The following KCNH7 variants were observed in gnomAD, a reference collection of about 807,000 sequenced individuals.
KCNH7 encodes the protein potassium voltage-gated channel subfamily H member 7.
KCNH7 carries 49 observed loss-of-function variants against 120.8 expected under a neutral mutation model. That is an observed-to-expected ratio of 0.41 (90% CI 0.32 to 0.51). KCNH7 has a LOEUF of 0.51. Ranked by LOEUF, KCNH7 falls within the 20% of genes least tolerant of loss-of-function variation. KCNH7 has a pLI of 0.38. For missense variants in KCNH7, 1,097 were observed against 1,446.6 expected, an observed-to-expected ratio of 0.76 and a Z score of 3.92; for synonymous variants, 547 against 516.1, an observed-to-expected ratio of 1.06 and a Z score of -0.81.
At chr2:162,451,693 A>G (rs73018982) in intron 6 of KCNH7, among the ~76,000 whole-genome samples, 13,101 of 151,954 alleles carry the variant, frequency 0.086, 760 homozygotes, top group African/African-American at 0.16. Context: ...CTCTCTCTAT[A>G]TATGTAGATA....
At chr2:162,389,357 TA>T (rs773498746) in intron 12 of KCNH7, among the ~76,000 whole-genome samples, 14 of 152,012 alleles carry the variant, frequency 9.2e-5, no homozygotes, top group Non-Finnish European at 1.9e-4. Context: ...TTGACATTGC[TA>T]AGGCTAAGAA....
intron 2 of KCNH7, among the ~76,000 whole-genome samples, chr2:162,830,950 T>G (rs78942504): frequency 0.026 from 3,938 of 152,222 alleles, 166 homozygotes; most frequent in African/African-American, 0.089. Flanking sequence ...GTTATCACAG[T>G]AGGAAAAGAC....
intron 2 of KCNH7, among the ~76,000 whole-genome samples, chr2:162,659,122 A>G (rs999066642): frequency 6.6e-6 from 1 of 152,214 alleles, no homozygotes; most frequent in Non-Finnish European, 1.5e-5. Context: ...ATGTTCATCA[A>G]GTTGAGGAAG....
At chr2:162,464,066 A>G (rs186496566) in intron 6 of KCNH7, among the ~76,000 whole-genome samples, 1 of 152,108 alleles carries the variant, frequency 6.6e-6, no homozygotes, top group East Asian at 1.9e-4. Flanking sequence ...ACTATCAACC[A>G]AAGTCTTTTA....
Position 162,688,677 on chromosome 2 carries a change from T to C in KCNH7, c.307+147860A>G, listed in dbSNP as rs530869604. On this transcript the variant is annotated intron_variant, in intron 2 of 15. Coordinates refer to ENST00000332142, the MANE Select transcript of KCNH7 (RefSeq NM_033272.4). ...ATCACTGTGGTATAGGTATTTTTAA[T>C]ATAATTCTCTGGTTCTGTGTTATCT... Among the ~76,000 whole-genome samples the C allele has an allele frequency of 2.0e-5, 3 of 152,204 alleles. No homozygotes were observed. In the East Asian group the frequency reaches 5.8e-4, roughly 29 times the overall value.
chr2:162,554,283 A>G (rs1239098154), intron 2 of KCNH7, among the ~76,000 whole-genome samples: 1 of 152,170 alleles, frequency 6.6e-6, no homozygotes, highest in Admixed American at 6.5e-5. Flanking sequence ...GACCAAAGAG[A>G]ACACCTTTTC....
At chr2:162,810,721 T>G (rs911462067) in intron 2 of KCNH7, among the ~76,000 whole-genome samples, 1 of 152,140 alleles carries the variant, frequency 6.6e-6, no homozygotes, top group South Asian at 2.1e-4. Context: ...ACAGACATGA[T>G]TTTATGTGTG....
intron 2 of KCNH7, among the ~76,000 whole-genome samples, chr2:162,833,087 T>C (rs764594453): frequency 2.0e-5 from 3 of 152,168 alleles, no homozygotes; most frequent in Non-Finnish European, 4.4e-5. Context: ...CATCCTTTCC[T>C]ACTGAGTAAA....
At chr2:162,496,337 C>T (rs996069986) in intron 6 of KCNH7, among the ~76,000 whole-genome samples, 3 of 152,132 alleles carry the variant, frequency 2.0e-5, no homozygotes, top group Admixed American at 1.3e-4. Context: ...ATGTTTTGTG[C>T]AGATAAGAGA....
In KCNH7 at chr2:162,759,166, T is replaced by C. The variant is rs116073434; in HGVS notation, c.307+77371A>G. ...AAAATGTAGATCTGTGAAGGGAATA[T>C]TTAACTGTACTCTACGTAAAGAATA... On this transcript the variant is annotated intron_variant, in intron 2 of 15. Transcript: ENST00000332142. 2.6e-3 allele frequency among the ~76,000 whole-genome samples: 396 copies of C among 152,152 alleles called. 3 individuals are homozygous for C. Among genetic ancestry groups the C allele is most frequent in the African/African-American group, 8.9e-3 (370 of 41,500 alleles).
At chr2:162,652,433 G>C (rs1684598860) in intron 2 of KCNH7, among the ~76,000 whole-genome samples, 2 of 152,120 alleles carry the variant, frequency 1.3e-5, no homozygotes, top group South Asian at 2.1e-4. Context: ...GGAGAGTGTG[G>C]GGGGAGGGGT....
chr2:162,430,020 C>A (rs760258425), intron 8 of KCNH7, among the ~76,000 whole-genome samples: 2 of 151,568 alleles, frequency 1.3e-5, no homozygotes, highest in Non-Finnish European at 2.9e-5. Context: ...ATACATTTAA[C>A]CTTCTTCAAT....
chr2:162,565,879 A>G (rs1693233987), intron 2 of KCNH7, among the ~76,000 whole-genome samples: 1 of 152,064 alleles, frequency 6.6e-6, no homozygotes, highest in Non-Finnish European at 1.5e-5. Context: ...GTGACCTTGG[A>G]CAAATTACTG....
chr2:162,784,775 G>A (rs1347341117), intron 2 of KCNH7: 2 of 152,142 alleles, frequency 1.3e-5, no homozygotes, highest in African/African-American at 4.8e-5. Context: ...ATGAGTGTTA[G>A]ATTCCCTTCC....
At chr2:162,399,046 T>A (rs191614362) in intron 10 of KCNH7, among the ~76,000 whole-genome samples, 22 of 151,992 alleles carry the variant, frequency 1.4e-4, no homozygotes, top group African/African-American at 5.1e-4. Context: ...AACATCCCTG[T>A]CCTGTTGGAG....
intron 2 of KCNH7, among the ~76,000 whole-genome samples, chr2:162,639,943 G>A (rs533284477): frequency 6.6e-6 from 1 of 152,176 alleles, no homozygotes; most frequent in Non-Finnish European, 1.5e-5. Flanking sequence ...AATTAAAAAT[G>A]TAACACCATT....
At chr2:162,412,782 G>A (rs1240912385) in intron 9 of KCNH7, among the ~76,000 whole-genome samples, 1 of 152,132 alleles carries the variant, frequency 6.6e-6, no homozygotes, top group African/African-American at 2.4e-5. Context: ...CTGTTTAAGT[G>A]TCGTATAATC....
At chr2:162,593,351 G>A (rs1324850844) in intron 2 of KCNH7, among the ~76,000 whole-genome samples, 1 of 152,010 alleles carries the variant, frequency 6.6e-6, no homozygotes, top group Non-Finnish European at 1.5e-5. Context: ...CAGGTGTTCT[G>A]TATTATTGAA....
At chr2:162,414,011 T>TGAATGAAA (rs1687470677) in intron 9 of KCNH7, among the ~76,000 whole-genome samples, 1 of 151,882 alleles carries the variant, frequency 6.6e-6, no homozygotes, top group Non-Finnish European at 1.5e-5. Context: ...TATATATGAA[T>TGAATGAAA]GAATGAAAAA....
Sources: gnomAD v4.1 joint callset for allele counts (sites outside exome capture counted in the v4.1 genomes callset) on GRCh38, gnomAD v4.1.1 for gene constraint, MANE v1.5 for transcripts, NCBI Gene and HGNC (gene_info 2026-07-23, HGNC 2026-07-21) for gene names.